The following EIF4G3 variants were observed in gnomAD, a reference collection of about 807,000 sequenced individuals.
The protein encoded by EIF4G3 is eIF-4-gamma 3.
EIF4G3 carries 34 observed loss-of-function variants against 186.4 expected under a neutral mutation model. The observed-to-expected ratio is 0.18, with a 90% CI of 0.14 to 0.24. The LOEUF (loss-of-function observed/expected upper bound fraction) is 0.24, where lower values mean the gene tolerates loss of function less well. Among genes scored for constraint, EIF4G3 ranks in the 10% least tolerant of loss-of-function variants. The probability of loss-of-function intolerance (pLI) is 1.00; values close to 1 mark genes in which losing one functional copy is unlikely to be tolerated. For missense variants in EIF4G3, 1,536 were observed against 1,948.5 expected (o/e 0.79, Z 3.99); for synonymous variants, 673 against 679.5 (o/e 0.99, Z 0.15).
intron 4 of EIF4G3, among the ~76,000 whole-genome samples, chr1:21,047,515 C>T (rs1416945406): frequency 6.6e-6 from 1 of 152,154 alleles, no homozygotes; most frequent in Non-Finnish European, 1.5e-5. Context: ...AATTTGGACT[C>T]ATTCATTTCA....
intron 19 of EIF4G3, 88 bp downstream of exon 19, chr1:20,886,113 T>C: frequency 7.1e-7 from 1 of 1,417,638 alleles, no homozygotes; most frequent in Non-Finnish European, 9.6e-7. Context: ...TTAAACTGAT[T>C]ATCTCTAGAA....
chr1:20,951,700 GA>G (rs1558403633), intron 12 of EIF4G3, among the ~76,000 whole-genome samples: 1 of 147,386 alleles, frequency 6.8e-6, no homozygotes, highest in East Asian at 2.1e-4. Flanking sequence ...TACCTAAAAG[GA>G]AAAAAATATT....
At chr1:20,930,285 T>C (rs34082275) in intron 14 of EIF4G3, among the ~76,000 whole-genome samples, 4,172 of 152,288 alleles carry the variant, frequency 0.027, 88 homozygotes, top group Non-Finnish European at 0.038. Context: ...GCTCCAACAC[T>C]TGACTGCTCC....
At chr1:21,156,580 T>C (rs1422872104) in intron 2 of EIF4G3, among the ~76,000 whole-genome samples, 1 of 152,214 alleles carries the variant, frequency 6.6e-6, no homozygotes, top group Non-Finnish European at 1.5e-5. Flanking sequence ...TAAAATTAAA[T>C]CCTACATCTT....
intron 14 of EIF4G3, among the ~76,000 whole-genome samples, chr1:20,916,391 G>A (rs1278703786): frequency 9.2e-5 from 14 of 151,672 alleles, no homozygotes; most frequent in African/African-American, 3.4e-4. Context: ...AGGTTGCAGT[G>A]AGCCGAGATC....
chr1:20,951,120 A>C (rs950423239), intron 12 of EIF4G3, among the ~76,000 whole-genome samples: 1 of 151,210 alleles, frequency 6.6e-6, no homozygotes, highest in Admixed American at 6.6e-5. Context: ...GATGTGGGTG[A>C]GTGTGGGCAA....
intron 2 of EIF4G3, among the ~76,000 whole-genome samples, chr1:21,152,785 C>T (rs2097573784): frequency 6.6e-6 from 1 of 152,146 alleles, no homozygotes; most frequent in Admixed American, 6.6e-5. Context: ...GTATAATCTT[C>T]CAAATAACCA....
chr1:21,080,681 T>C (rs556778694), intron 3 of EIF4G3, among the ~76,000 whole-genome samples: 2 of 152,214 alleles, frequency 1.3e-5, no homozygotes, highest in South Asian at 4.2e-4. Flanking sequence ...GGCTAATTTT[T>C]GTATTTTTAG....
chr1:20,909,299 C>T (rs1395317118), intron 14 of EIF4G3, among the ~76,000 whole-genome samples: 1 of 152,192 alleles, frequency 6.6e-6, no homozygotes, highest in Non-Finnish European at 1.5e-5. Flanking sequence ...AGAACATGCA[C>T]TCTCTTTTTC....
At chr1:20,819,911 A>C (rs986441798) in intron 33 of EIF4G3, among the ~76,000 whole-genome samples, 8 of 152,110 alleles carry the variant, frequency 5.3e-5, no homozygotes, top group Non-Finnish European at 8.8e-5. Context: ...AGGGGAGAGG[A>C]GAGGAGACAG....
At chr1:20,892,688 T>A in intron 18 of EIF4G3, 1 of 1,536,120 alleles carries the variant, frequency 6.5e-7, no homozygotes, top group South Asian at 1.2e-5. Context: ...CTTTGCTCTG[T>A]TCCAGAATTG....
intron 2 of EIF4G3, among the ~76,000 whole-genome samples, chr1:21,126,878 C>A (rs1037915843): frequency 7.2e-5 from 11 of 151,904 alleles, no homozygotes; most frequent in African/African-American, 2.7e-4. Flanking sequence ...CTATGCATAT[C>A]CTCCCTGCAT....
intron 6 of EIF4G3, among the ~76,000 whole-genome samples, chr1:20,998,212 TACACACACACACAC>T (rs5772928): frequency 0.5 from 73,731 of 148,532 alleles, 18,777 homozygotes; most frequent in East Asian, 0.72. Context: ...TTTATGACTT[TACACACACACACAC>T]ACACACACAC....
At chr1:20,966,865 TAC>T (rs1334491447) in intron 12 of EIF4G3, among the ~76,000 whole-genome samples, 1 of 152,228 alleles carries the variant, frequency 6.6e-6, no homozygotes, top group East Asian at 1.9e-4. Flanking sequence ...ATATCTCTAG[TAC>T]ACGTCTCTGT....
intron 7 of EIF4G3, among the ~76,000 whole-genome samples, chr1:20,987,581 A>C (rs1161885423): frequency 6.6e-6 from 1 of 152,048 alleles, no homozygotes; most frequent in East Asian, 1.9e-4. Context: ...GTGATCACTG[A>C]CCTTTTATGT....
Position 20,829,408 on chromosome 1 carries a change from T to A in EIF4G3, c.4062-136A>T, listed in dbSNP as rs75963068. 8,409 of 940,486 alleles carry A rather than the reference T, an allele frequency of 8.9e-3. 78 individuals are homozygous for A. Among genetic ancestry groups the A allele is most frequent in the Admixed American group, 0.038 (1,382 of 36,740 alleles). 58.3% of individuals were successfully genotyped at this position (940,486 alleles called of 1,614,324 possible). A position where few individuals can be genotyped will look rare whatever the true frequency, so the allele number is the denominator to read the frequency against. On this transcript the variant is annotated intron_variant, in intron 30 of 36. Transcript: ENST00000602326. ...AGGTACAGTCTAGCCACAAAGTGACTGGTAAATACATTACCATTCTCAAAG... is the reference window on the plus strand; with the variant it reads ...AGGTACAGTCTAGCCACAAAGTGACAGGTAAATACATTACCATTCTCAAAG...
intron 14 of EIF4G3, among the ~76,000 whole-genome samples, chr1:20,917,806 C>T (rs2094052712): frequency 6.6e-6 from 1 of 152,078 alleles, no homozygotes; most frequent in Non-Finnish European, 1.5e-5. Flanking sequence ...TGGGTGGTTT[C>T]TGAAGTACCT....
chr1:20,957,434 T>C (rs2096458529), intron 12 of EIF4G3, among the ~76,000 whole-genome samples: 1 of 149,710 alleles, frequency 6.7e-6, no homozygotes, highest in African/African-American at 2.5e-5. Flanking sequence ...CATCAAAAAG[T>C]CTGAAAGAGT....
Position 21,055,285 on chromosome 1 carries a change from C to T in EIF4G3, c.-195-4291G>A, listed in dbSNP as rs375976432. Among the ~76,000 whole-genome samples the T allele has an allele frequency of 1.8e-4, 28 of 152,076 alleles. No individual in the cohort carries two copies. In the East Asian group the frequency reaches 2.3e-3, roughly 13 times the overall value. ...TTTTTAACACGGGAAAAATTCTGTA[C>T]AGTGAAATAAAGTGAAAATAAAAAG... On this transcript the variant is annotated intron_variant, in intron 3 of 36. Coordinates refer to ENST00000602326, the MANE Select transcript of EIF4G3 (RefSeq NM_001391906.1).
Sources: allele counts gnomAD v4.1 joint callset (sites outside exome capture counted in the v4.1 genomes callset), GRCh38; gene constraint gnomAD v4.1.1; transcripts MANE v1.5; gene names NCBI Gene and HGNC (gene_info 2026-07-23, HGNC 2026-07-21).